HIVEP3: variants seen among roughly 807,000 people sequenced by gnomAD.
HIVEP3 encodes the protein HIVEP zinc finger 3, also known as transcription factor HIVEP3.
In HIVEP3, 49 loss-of-function variants were observed where a neutral mutation model predicts 152.8. That is an observed-to-expected ratio of 0.32 (90% CI 0.26 to 0.41). The LOEUF (loss-of-function observed/expected upper bound fraction) is 0.41, where lower values mean the gene tolerates loss of function less well. Among genes scored for constraint, HIVEP3 ranks in the 10% least tolerant of loss-of-function variants. The pLI, the probability that HIVEP3 is intolerant of heterozygous loss-of-function variation, is 1.00. For missense variants in HIVEP3, 2,790 were observed against 3,103.3 expected, an observed-to-expected ratio of 0.90 and a Z score of 2.40; for synonymous variants, 1,269 against 1,289.0, an observed-to-expected ratio of 0.98 and a Z score of 0.33.
At chr1:41,978,811 G>A (rs1205186863) in intron 1 of HIVEP3, among the ~76,000 whole-genome samples, 5 of 152,056 alleles carry the variant, frequency 3.3e-5, no homozygotes, top group Non-Finnish European at 7.3e-5. Context: ...TCTTCTGCTG[G>A]GGACAAGTAG....
chr1:41,788,092 G>A (rs969494229), intron 1 of HIVEP3, among the ~76,000 whole-genome samples: 8 of 152,308 alleles, frequency 5.3e-5, no homozygotes, highest in African/African-American at 1.9e-4. Flanking sequence ...TCCCACCTCT[G>A]TCCAGAGTCA....
chr1:41,573,194 G>A (rs1199722596), intron 5 of HIVEP3, among the ~76,000 whole-genome samples: 1 of 152,210 alleles, frequency 6.6e-6, no homozygotes, highest in Non-Finnish European at 1.5e-5. Flanking sequence ...CAAAACTGTG[G>A]GATTGCAGAG....
chr1:41,523,600 A>G lies in HIVEP3; in HGVS notation c.5383+1135T>C, dbSNP rs1486460260. On this transcript the variant is annotated intron_variant, in intron 6 of 8. Transcript: ENST00000372583. ...TGGTATAGAGAGAACGGAAGGGGCC[A>G]AGCAGCAAGAGCACGGAGGAAGTGA... Among the ~76,000 whole-genome samples, 4 of 152,156 alleles carry G rather than the reference A, an allele frequency of 2.6e-5. No homozygotes were observed. In the East Asian group the frequency reaches 7.7e-4, roughly 29 times the overall value.
chr1:41,794,264 G>A (rs1249557943), intron 1 of HIVEP3, among the ~76,000 whole-genome samples: 2 of 152,138 alleles, frequency 1.3e-5, no homozygotes, highest in Non-Finnish European at 2.9e-5. Context: ...CAGATTTCGA[G>A]AGACTTATTC....
chr1:41,762,399 G>A (rs141881875), intron 1 of HIVEP3, among the ~76,000 whole-genome samples: 1 of 152,326 alleles, frequency 6.6e-6, no homozygotes, highest in East Asian at 1.9e-4. Flanking sequence ...CATCAGCAGA[G>A]GGCAGCCACC....
chr1:41,943,074 T>C (rs2124486571), intron 1 of HIVEP3, among the ~76,000 whole-genome samples: 1 of 151,848 alleles, frequency 6.6e-6, no homozygotes, highest in East Asian at 1.9e-4. Context: ...TAATTTTTTA[T>C]TTTTTTTATT....
At chr1:41,704,113 C>T (rs1247749865) in intron 1 of HIVEP3, among the ~76,000 whole-genome samples, 1 of 152,210 alleles carries the variant, frequency 6.6e-6, no homozygotes, top group African/African-American at 2.4e-5. Flanking sequence ...ATGTCATATG[C>T]AGGAGGTGAA....
intron 1 of HIVEP3, among the ~76,000 whole-genome samples, chr1:41,937,650 G>A (rs561226246): frequency 4.6e-5 from 7 of 152,268 alleles, no homozygotes; most frequent in Non-Finnish European, 7.4e-5. Context: ...TGATGCATAT[G>A]GCTCATATTT....
chr1:41,979,523 C>T (rs369637139), intron 1 of HIVEP3, among the ~76,000 whole-genome samples: 16 of 152,336 alleles, frequency 1.1e-4, no homozygotes, highest in African/African-American at 3.8e-4. Context: ...TTTCCTATTT[C>T]ACTGTCCTGT....
intron 5 of HIVEP3, among the ~76,000 whole-genome samples, chr1:41,540,333 G>A (rs1474866094): frequency 2.6e-5 from 4 of 152,342 alleles, no homozygotes; most frequent in Non-Finnish European, 4.4e-5. Flanking sequence ...TGAGCTCAAG[G>A]TGTCAGCACC....
chr1:41,580,009 T>C lies in HIVEP3; in HGVS notation c.4789A>G (p.Ser1597Gly), dbSNP rs1261811186. 1.2e-6 allele frequency: 2 copies of C among 1,614,236 alleles called. No individual in the cohort carries two copies. Among genetic ancestry groups the C allele is most frequent in the East Asian group, 4.5e-5 (2 of 44,888 alleles). ...TDSKKVLQFP[S>G]LHTTTNVSWC... ...CTGACATTAGTGGTTGTGTGGAGGCTGGGGAACTGCAGTACCTTCTTTGAG... is the reference window on the plus strand; with the variant it reads ...CTGACATTAGTGGTTGTGTGGAGGCCGGGGAACTGCAGTACCTTCTTTGAG... The change falls in exon 4 of 9, where the codon AGC becomes GGC. Residue 1597 changes from serine to glycine, a missense_variant. Coordinates refer to ENST00000372583, the MANE Select transcript of HIVEP3 (RefSeq NM_024503.5).
At chr1:41,693,023 C>T (rs1207116484) in intron 2 of HIVEP3, among the ~76,000 whole-genome samples, 1 of 152,176 alleles carries the variant, frequency 6.6e-6, no homozygotes, top group African/African-American at 2.4e-5. Context: ...TGCCACAAGC[C>T]TATGAAAGTG....
chr1:41,900,827 T>C (rs976607917), intron 1 of HIVEP3, among the ~76,000 whole-genome samples: 2 of 151,508 alleles, frequency 1.3e-5, no homozygotes, highest in Non-Finnish European at 2.9e-5. Context: ...GAAAGGGGAG[T>C]GGCCGGAGGT....
intron 1 of HIVEP3, among the ~76,000 whole-genome samples, chr1:42,016,147 A>G (rs1342863168): frequency 6.6e-6 from 1 of 152,230 alleles, no homozygotes; most frequent in Non-Finnish European, 1.5e-5. Flanking sequence ...ATTTGTATAT[A>G]CACATACATA....
At chr1:41,552,117 T>C (rs373342444) in intron 5 of HIVEP3, among the ~76,000 whole-genome samples, 23 of 152,374 alleles carry the variant, frequency 1.5e-4, no homozygotes, top group African/African-American at 5.3e-4. Flanking sequence ...ACATCTTTAT[T>C]TCTGCCTTCA....
intron 1 of HIVEP3, among the ~76,000 whole-genome samples, chr1:41,789,988 A>G (rs894092368): frequency 1.3e-5 from 2 of 152,236 alleles, no homozygotes; most frequent in Non-Finnish European, 2.9e-5. Flanking sequence ...CAAACAAGAT[A>G]ATCCCATGGA....
intron 1 of HIVEP3, among the ~76,000 whole-genome samples, chr1:41,718,188 A>G (rs1427936114): frequency 6.6e-6 from 1 of 152,254 alleles, no homozygotes; most frequent in East Asian, 1.9e-4. Context: ...GGTGCACTGA[A>G]TGTCCCACAT....
At chr1:41,548,599 G>T (rs562953018) in intron 5 of HIVEP3, among the ~76,000 whole-genome samples, 1 of 151,758 alleles carries the variant, frequency 6.6e-6, no homozygotes, top group Non-Finnish European at 1.5e-5. Flanking sequence ...ATAGTGGCCC[G>T]ATATCGGCTC....
rs1471739265 is a variant in HIVEP3, at chr1:41,508,836, C to T, written c.*1615G>A. On this transcript the variant is annotated 3_prime_UTR_variant, in exon 9 of 9. Coordinates refer to ENST00000372583, the MANE Select transcript of HIVEP3 (RefSeq NM_024503.5). ...TGGGGATTAGCCAGAGAGGTCCCTG[C>T]TCTGTATAGGGTGGCATCAAACCCA... 2 of 152,304 alleles carry T rather than the reference C, an allele frequency of 1.3e-5. No individual in the cohort carries two copies. Among genetic ancestry groups the T allele is most frequent in the Non-Finnish European group, 2.9e-5 (2 of 68,118 alleles). 9.4% of individuals were successfully genotyped at this position (152,304 alleles called of 1,614,324 possible).
Sources: gnomAD v4.1 joint callset for allele counts (sites outside exome capture counted in the v4.1 genomes callset) on GRCh38, gnomAD v4.1.1 for gene constraint, MANE v1.5 for transcripts, NCBI Gene and HGNC (gene_info 2026-07-23, HGNC 2026-07-21) for gene names.